The following PAK3 variants were observed in gnomAD, a reference collection of about 807,000 sequenced individuals.
The protein encoded by PAK3 is p21 (RAC1) activated kinase 3.
In PAK3, 4 loss-of-function variants were observed where a neutral mutation model predicts 41.0. The ratio of observed to expected loss-of-function variants is 0.10; its 90% CI spans 0.05 to 0.22. The LOEUF (loss-of-function observed/expected upper bound fraction) is 0.22. Among genes scored for constraint, PAK3 ranks in the 10% least tolerant of loss-of-function variants. The pLI is 1.00. For synonymous variants in PAK3, 146 were observed against 139.6 expected (o/e 1.05, Z -0.32); for missense variants, 205 against 409.9 (o/e 0.50, Z 4.32).
chrX:111,206,343 C>T (rs1250724298), intron 16 of PAK3, among the ~76,000 whole-genome samples: 3 of 111,720 alleles, frequency 2.7e-5, no homozygotes, highest in Non-Finnish European at 5.6e-5. Flanking sequence ...ACCTTGGGTA[C>T]TGCTTTGAGT....
At chrX:111,062,996 T>TAA (rs201349461) in intron 1 of PAK3, among the ~76,000 whole-genome samples, 1 of 109,367 alleles carries the variant, frequency 9.1e-6, no homozygotes, top group African/African-American at 3.3e-5. Context: ...TACTGCTACC[T>TAA]AAAAAAAAAC....
intron 11 of PAK3, among the ~76,000 whole-genome samples, chrX:111,173,852 C>A (rs1460621260): frequency 9.0e-6 from 1 of 111,510 alleles, no homozygotes. Context: ...GCAGGTGGAT[C>A]TGAGCAGGCA....
chrX:110,991,886 A>G (rs746425125), intron 1 of PAK3, among the ~76,000 whole-genome samples: 14 of 112,184 alleles, frequency 1.2e-4, no homozygotes, highest in African/African-American at 4.5e-4. Context: ...ACAAGAAAAA[A>G]AAACACACAG....
upstream of PAK3, among the ~76,000 whole-genome samples, chrX:111,095,798 T>C (rs2092972183): frequency 9.0e-6 from 1 of 111,267 alleles, no homozygotes; most frequent in African/African-American, 3.3e-5. Flanking sequence ...CCGAATAAAG[T>C]GTGCCCGTGT....
At chrX:111,025,957 A>G (rs745576984) in intron 1 of PAK3, among the ~76,000 whole-genome samples, 1 of 111,800 alleles carries the variant, frequency 8.9e-6, no homozygotes, top group Non-Finnish European at 1.9e-5. Context: ...ATAATCCACC[A>G]TGATCAAGTG....
chrX:111,006,535 A>C (rs929820591), intron 1 of PAK3, among the ~76,000 whole-genome samples: 3 of 112,074 alleles, frequency 2.7e-5, no homozygotes, highest in African/African-American at 9.7e-5. Flanking sequence ...CTGTTGGTTT[A>C]AAATTATTTT....
intron 1 of PAK3, among the ~76,000 whole-genome samples, chrX:110,952,120 C>T (rs995454513): frequency 1.8e-5 from 2 of 112,286 alleles, no homozygotes; most frequent in Non-Finnish European, 3.8e-5. Flanking sequence ...ACAGGTGTAG[C>T]TTTTTCCCTT....
intron 1 of PAK3, among the ~76,000 whole-genome samples, chrX:111,004,350 C>T (rs190235162): frequency 1.1e-3 from 122 of 111,834 alleles, no homozygotes; most frequent in African/African-American, 3.5e-3. Flanking sequence ...AGGAACAGGA[C>T]GAGAATCAGG....
At chrX:111,172,446 T>A (rs1003741569) in intron 10 of PAK3, among the ~76,000 whole-genome samples, 1 of 111,542 alleles carries the variant, frequency 9.0e-6, no homozygotes, top group African/African-American at 3.3e-5. Context: ...AATGATGCCT[T>A]CACCTAGGCA....
chrX:111,038,986 G>T (rs183876948), intron 1 of PAK3, among the ~76,000 whole-genome samples: 63 of 111,525 alleles, frequency 5.6e-4, no homozygotes, highest in Admixed American at 3.2e-3. Context: ...AGATAAACTT[G>T]ATCATCACTT....
chrX:111,037,449 T>C (rs946223105), intron 1 of PAK3, among the ~76,000 whole-genome samples: 4 of 111,700 alleles, frequency 3.6e-5, no homozygotes, highest in African/African-American at 1.3e-4. Context: ...ATTCAAAAAG[T>C]GGTCTCTCCT....
chrX:111,138,071 G>A (rs1368551888), intron 5 of PAK3, among the ~76,000 whole-genome samples: 4 of 107,768 alleles, frequency 3.7e-5, no homozygotes, highest in Non-Finnish European at 7.7e-5. Context: ...TAATGCCACT[G>A]AGTAATAAAT....
At chrX:110,980,440 G>A (rs2091429550) in intron 1 of PAK3, among the ~76,000 whole-genome samples, 1 of 111,593 alleles carries the variant, frequency 9.0e-6, no homozygotes, top group African/African-American at 3.3e-5. Context: ...GGGACCCAAC[G>A]GAGTAGTTCA....
intron 1 of PAK3, among the ~76,000 whole-genome samples, chrX:110,979,779 T>G (rs1336557372): frequency 8.9e-6 from 1 of 112,483 alleles, no homozygotes; most frequent in East Asian, 2.8e-4. Flanking sequence ...CTCTCAGCAC[T>G]GCTTTAGCAG....
At chrX:110,993,394 T>G (rs1203216558) in intron 1 of PAK3, among the ~76,000 whole-genome samples, 1 of 111,715 alleles carries the variant, frequency 9.0e-6, no homozygotes, top group Non-Finnish European at 1.9e-5. Context: ...AGCCCAGTAT[T>G]CCAACCCGTC....
chrX:110,977,494 T>A (rs753989619), intron 1 of PAK3, among the ~76,000 whole-genome samples: 4 of 111,319 alleles, frequency 3.6e-5, no homozygotes, highest in Non-Finnish European at 5.7e-5. Flanking sequence ...TTTGGAGAGT[T>A]TTGTCATCTT....
intron 8 of PAK3, among the ~76,000 whole-genome samples, chrX:111,158,356 T>C (rs2094133341): frequency 8.9e-6 from 1 of 112,227 alleles, no homozygotes; most frequent in Non-Finnish European, 1.9e-5. Context: ...TTTTTGCTTA[T>C]TCTCACTATT....
chrX:111,051,999 G>C (rs901844509), intron 1 of PAK3, among the ~76,000 whole-genome samples: 2 of 112,189 alleles, frequency 1.8e-5, no homozygotes, highest in Non-Finnish European at 3.8e-5. Flanking sequence ...AAACCGGGAA[G>C]CCTGGAAGAT....
At position 111,223,177 on chromosome X, in the gene PAK3, C is replaced by A. The variant is rs753009178; in HGVS notation, c.*2730C>A. 1 of 111,088 alleles carries A rather than the reference C, an allele frequency of 9.0e-6. No individual in the cohort carries two copies. The highest frequency in any genetic ancestry group is 3.8e-4 in the South Asian group (1 of 2,621). The allele number at this position is 111,088 out of a possible 1,213,427, so 9.2% of individuals were successfully genotyped here. ...TTGACACAGGTGAGTCTATCCAAAT[C>A]TTTGATGTTGCTAGTGTGCCCTGAG... On this transcript the variant is annotated 3_prime_UTR_variant, in exon 18 of 18. Transcript: ENST00000372007.
Sources: gnomAD v4.1 joint callset for allele counts (sites outside exome capture counted in the v4.1 genomes callset) on GRCh38, gnomAD v4.1.1 for gene constraint, MANE v1.5 for transcripts, NCBI Gene and HGNC (gene_info 2026-07-23, HGNC 2026-07-21) for gene names.